The following SCGB2B2 variants were observed in gnomAD, a reference collection of about 807,000 sequenced individuals.
The protein encoded by SCGB2B2 is secretoglobin family 2B member 2, also known as secretoglobin-like protein.
In SCGB2B2, 11 loss-of-function variants were observed where a neutral mutation model predicts 7.6. The ratio of observed to expected loss-of-function variants is 1.45; its 90% CI spans 0.91 to 2.40. The LOEUF (loss-of-function observed/expected upper bound fraction) is 2.40. Among genes scored for constraint, SCGB2B2 ranks in the 30% most tolerant of loss-of-function variants. The pLI is 0.00. For synonymous variants in SCGB2B2, 50 were observed against 48.6 expected (o/e 1.03, Z -0.12); for missense variants, 104 against 115.4 (o/e 0.90, Z 0.45).
intron 1 of SCGB2B2, among the ~76,000 whole-genome samples, chr19:34,599,605 A>ATC (rs1210334743): frequency 6.6e-6 from 1 of 152,152 alleles, no homozygotes; most frequent in Non-Finnish European, 1.5e-5. Flanking sequence ...TGAATCAATG[A>ATC]TCTCTCACTA....
chr19:34,586,430 TCTC>T (rs1194771486), downstream of SCGB2B2, among the ~76,000 whole-genome samples: 4 of 152,168 alleles, frequency 2.6e-5, no homozygotes, highest in African/African-American at 9.7e-5. Context: ...CTCTCCTGCA[TCTC>T]CTTAATCCCT....
At chr19:34,623,646 C>G (rs2066295168) in intron 1 of SCGB2B2, among the ~76,000 whole-genome samples, 1 of 152,146 alleles carries the variant, frequency 6.6e-6, no homozygotes, top group South Asian at 2.1e-4. Flanking sequence ...CATGGTACCC[C>G]AGGGGCCCAG....
intron 1 of SCGB2B2, among the ~76,000 whole-genome samples, chr19:34,599,866 T>C (rs1270259): frequency 0.99 from 150,263 of 152,194 alleles, 74,180 homozygotes; most frequent in Admixed American, 0.99. Flanking sequence ...AATCATCTTT[T>C]TATTGTGACA....
intron 1 of SCGB2B2, among the ~76,000 whole-genome samples, chr19:34,600,038 G>GTT (rs113461309): frequency 5.5e-4 from 83 of 151,432 alleles, no homozygotes; most frequent in South Asian, 2.1e-3. Context: ...TGATTTTATG[G>GTT]TTTTTTTTTA....
intron 1 of SCGB2B2, among the ~76,000 whole-genome samples, chr19:34,641,177 G>A (rs1449526760): frequency 6.6e-6 from 1 of 152,050 alleles, no homozygotes; most frequent in East Asian, 1.9e-4. Context: ...TGTTCATAGG[G>A]CCTCCTGTGA....
intron 1 of SCGB2B2, among the ~76,000 whole-genome samples, chr19:34,596,975 T>C (rs1340540288): frequency 1.3e-5 from 2 of 151,356 alleles, no homozygotes; most frequent in South Asian, 2.1e-4. Flanking sequence ...CCTCTGAGGG[T>C]AGAGAGGGCC....
chr19:34,620,624 C>A (rs937813844), intron 1 of SCGB2B2, among the ~76,000 whole-genome samples: 6 of 152,104 alleles, frequency 3.9e-5, no homozygotes, highest in Admixed American at 1.3e-4. Context: ...ATGTAACAAA[C>A]CTGCACGTTG....
intron 1 of SCGB2B2, among the ~76,000 whole-genome samples, chr19:34,626,566 T>C (rs940031736): frequency 6.6e-6 from 1 of 152,036 alleles, no homozygotes; most frequent in Admixed American, 6.6e-5. Flanking sequence ...GAAAAAAGAA[T>C]AAAAAGAAAC....
At chr19:34,613,277 T>C (rs2065985464) in intron 1 of SCGB2B2, among the ~76,000 whole-genome samples, 1 of 152,130 alleles carries the variant, frequency 6.6e-6, no homozygotes, top group Non-Finnish European at 1.5e-5. Flanking sequence ...TTTTGTATAT[T>C]CAGTAGAGAT....
chr19:34,644,185 C>G (rs1247969087), intron 1 of SCGB2B2, among the ~76,000 whole-genome samples: 3 of 152,062 alleles, frequency 2.0e-5, no homozygotes, highest in Non-Finnish European at 4.4e-5. Context: ...GGAAAGTCAA[C>G]AGATAGTGCC....
At chr19:34,650,456 T>C (rs2067135021) in intron 1 of SCGB2B2, among the ~76,000 whole-genome samples, 1 of 151,050 alleles carries the variant, frequency 6.6e-6, no homozygotes, top group African/African-American at 2.5e-5. Flanking sequence ...TTTTTCCTCA[T>C]AACAGTAGAG....
chr19:34,592,523 G>C lies in SCGB2B2; in HGVS notation c.*1032C>G, dbSNP rs1371484359. On this transcript the variant is annotated 3_prime_UTR_variant, in exon 4 of 4. Coordinates refer to ENST00000601241, the MANE Select transcript of SCGB2B2 (RefSeq NM_001025591.4). ...GAGGGAGGAGTCTAGGGCGGTGTGAGCTGATAGGGGTAGGCGACCACCGCC... is the reference window on the plus strand; with the variant it reads ...GAGGGAGGAGTCTAGGGCGGTGTGACCTGATAGGGGTAGGCGACCACCGCC... 6.6e-6 allele frequency among the ~76,000 whole-genome samples: 1 copy of C among 151,956 alleles called. No homozygotes were observed. Among genetic ancestry groups the C allele is most frequent in the East Asian group, 1.9e-4 (1 of 5,168 alleles).
chr19:34,607,376 G>C (rs540981034), intron 1 of SCGB2B2, among the ~76,000 whole-genome samples: 10 of 152,240 alleles, frequency 6.6e-5, no homozygotes, highest in African/African-American at 2.4e-4. Flanking sequence ...AGGCATTTAG[G>C]TTGTTTCCCT....
chr19:34,588,734 C>A (rs984257470), downstream of SCGB2B2, among the ~76,000 whole-genome samples: 1 of 152,100 alleles, frequency 6.6e-6, no homozygotes, highest in African/African-American at 2.4e-5. Flanking sequence ...TCACGCAGAG[C>A]CCATGCAGGA....
intron 1 of SCGB2B2, among the ~76,000 whole-genome samples, chr19:34,636,789 C>T (rs1052379421): frequency 1.3e-5 from 2 of 152,122 alleles, no homozygotes; most frequent in African/African-American, 4.8e-5. Flanking sequence ...ATCATGAGAA[C>T]TCAGCCCTGA....
intron 1 of SCGB2B2, among the ~76,000 whole-genome samples, chr19:34,658,548 C>A (rs914906323): frequency 6.6e-6 from 1 of 151,900 alleles, no homozygotes; most frequent in Admixed American, 6.6e-5. Context: ...AAGACTAAAC[C>A]AGGAAGAAGT....
intron 1 of SCGB2B2, among the ~76,000 whole-genome samples, chr19:34,615,873 G>A (rs924531380): frequency 2.5e-4 from 34 of 136,146 alleles, no homozygotes; most frequent in Admixed American, 5.1e-4. Context: ...AGAGTGTGAT[G>A]TTCCCCTTCC....
chr19:34,597,405 G>T (rs2065490105), intron 1 of SCGB2B2, among the ~76,000 whole-genome samples: 1 of 151,946 alleles, frequency 6.6e-6, no homozygotes, highest in Non-Finnish European at 1.5e-5. Context: ...GTGGCTGGAG[G>T]CCAGGGAAGT....
At chr19:34,671,067 C>A (rs2067790823) in intron 1 of SCGB2B2, among the ~76,000 whole-genome samples, 1 of 152,150 alleles carries the variant, frequency 6.6e-6, no homozygotes, top group African/African-American at 2.4e-5. Context: ...GGATTACAGG[C>A]ACCACCCCTG....
Sources: gnomAD v4.1 joint callset for allele counts (sites outside exome capture counted in the v4.1 genomes callset) on GRCh38, gnomAD v4.1.1 for gene constraint, MANE v1.5 for transcripts, NCBI Gene and HGNC (gene_info 2026-07-23, HGNC 2026-07-21) for gene names.